The following RRM2B variants were observed in gnomAD, a reference collection of about 807,000 sequenced individuals.
The protein encoded by RRM2B is ribonucleoside-diphosphate reductase subunit M2 B.
A neutral mutation model predicts 45.9 loss-of-function variants in RRM2B; 20 were observed. That is an observed-to-expected ratio of 0.44 (90% confidence interval 0.31 to 0.63). The LOEUF is 0.63. RRM2B is among the 30% of genes least tolerant of loss of function. RRM2B has a pLI of 0.09. For synonymous variants in RRM2B, 124 were observed against 132.3 expected, an observed-to-expected ratio of 0.94 and a Z score of 0.43; for missense variants, 320 against 414.7, an observed-to-expected ratio of 0.77 and a Z score of 1.98.
chr8:102,208,072 G>C lies in RRM2B; in HGVS notation c.*61C>G. ...ATATACTTAAAATTTTTTTTAAGCAGAGGAAAATAGACTACTATTTACCAA... is the reference window on the plus strand; with the variant it reads ...ATATACTTAAAATTTTTTTTAAGCACAGGAAAATAGACTACTATTTACCAA... On this transcript the variant is annotated 3_prime_UTR_variant, in exon 9 of 9. Transcript: ENST00000251810. 6.9e-7 allele frequency: 1 copy of C among 1,451,484 alleles called. No individual in the cohort carries two copies. Among genetic ancestry groups the C allele is most frequent in the Non-Finnish European group, 9.6e-7 (1 of 1,044,520 alleles). 89.9% of individuals were successfully genotyped at this position (1,451,484 alleles called of 1,614,324 possible). A position where few individuals can be genotyped will look rare whatever the true frequency, so the allele number is the denominator to read the frequency against.
chr8:102,209,158 A>G (rs1189141245), intron 8 of RRM2B, among the ~76,000 whole-genome samples: 2 of 152,216 alleles, frequency 1.3e-5, no homozygotes, highest in East Asian at 3.8e-4. Context: ...TCAAAAAAAA[A>G]AGAATTCAAG....
At chr8:102,227,140 AG>A (rs1374412013) in intron 2 of RRM2B, among the ~76,000 whole-genome samples, 11 of 151,604 alleles carry the variant, frequency 7.3e-5, no homozygotes, top group African/African-American at 2.7e-4. Context: ...GAGCCATCAC[AG>A]GTGGCCAACA....
chr8:102,229,124 A>G (rs1187521770), intron 2 of RRM2B, among the ~76,000 whole-genome samples: 3 of 152,132 alleles, frequency 2.0e-5, no homozygotes, highest in Non-Finnish European at 4.4e-5. Flanking sequence ...ATGGTGGCGC[A>G]TGCCTGTAGT....
chr8:102,208,726 G>C (rs970804372), intron 8 of RRM2B, among the ~76,000 whole-genome samples: 1 of 152,188 alleles, frequency 6.6e-6, no homozygotes, highest in Non-Finnish European at 1.5e-5. Flanking sequence ...TAAGAGAACA[G>C]ATAATCAACA....
chr8:102,217,397 C>T (rs1563661827), intron 6 of RRM2B, among the ~76,000 whole-genome samples: 1 of 151,822 alleles, frequency 6.6e-6, no homozygotes, highest in Non-Finnish European at 1.5e-5. Context: ...TATGACATTT[C>T]TAATAAAAGT....
chr8:102,230,688 G>C (rs555403204), intron 2 of RRM2B, among the ~76,000 whole-genome samples: 1 of 152,214 alleles, frequency 6.6e-6, no homozygotes, highest in African/African-American at 2.4e-5. Flanking sequence ...AACAAAGATG[G>C]GTAAGTGGGT....
chr8:102,210,269 A>G (rs1810613028), intron 8 of RRM2B, among the ~76,000 whole-genome samples: 1 of 152,164 alleles, frequency 6.6e-6, no homozygotes, highest in Non-Finnish European at 1.5e-5. Context: ...TCCATCAGAA[A>G]TTGTGTGTAA....
chr8:102,215,453 T>TTAA (rs28928603), intron 6 of RRM2B, among the ~76,000 whole-genome samples: 7,352 of 150,740 alleles, frequency 0.049, 558 homozygotes, highest in African/African-American at 0.17. Flanking sequence ...GGCTGAAAGA[T>TTAA]GTTAAAGTGT....
chr8:102,226,476 G>A (rs1810934526), intron 2 of RRM2B, among the ~76,000 whole-genome samples: 1 of 151,896 alleles, frequency 6.6e-6, no homozygotes. Context: ...ACATAATCTA[G>A]TGGCACTGAA....
In RRM2B at chr8:102,238,637, C is replaced by T. The variant is rs1405040342; in HGVS notation, c.48+190G>A. The T allele has an allele frequency of 4.6e-6, 7 of 1,533,560 alleles. No homozygotes were observed. The Admixed American group carries it at 9.8e-5, about 22-fold the overall frequency. The allele number at this position is 1,533,560 out of a possible 1,614,324, so 95.0% of individuals were successfully genotyped here. A position where few individuals can be genotyped will look rare whatever the true frequency, so the allele number is the denominator to read the frequency against. ...GAGCGGGACGCAAACCCAAAGTCAG[C>T]TCCTTCCTCCGCCCTCCCCGGGGAC... On this transcript the variant is annotated intron_variant, in intron 1 of 8. Transcript: ENST00000251810.
intron 5 of RRM2B, 60 bp from the exon 6 acceptor site, chr8:102,219,007 A>ATGTG: frequency 1.4e-6 from 2 of 1,462,926 alleles, no homozygotes; most frequent in Non-Finnish European, 1.9e-6. Context: ...GCATATATAT[A>ATGTG]TATACACATA....
intron 8 of RRM2B, among the ~76,000 whole-genome samples, chr8:102,209,372 C>T (rs1207804285): frequency 6.6e-6 from 1 of 152,040 alleles, no homozygotes; most frequent in African/African-American, 2.4e-5. Context: ...AGAAGATATA[C>T]AAAATGAAAA....
chr8:102,236,259 A>G (rs1811118995), intron 1 of RRM2B, among the ~76,000 whole-genome samples: 2 of 152,108 alleles, frequency 1.3e-5, no homozygotes, highest in South Asian at 4.1e-4. Context: ...TTTGCCCCCA[A>G]CCCCAGGTGC....
intron 1 of RRM2B, among the ~76,000 whole-genome samples, chr8:102,233,219 A>C (rs1811063497): frequency 6.6e-6 from 1 of 152,160 alleles, no homozygotes; most frequent in South Asian, 2.1e-4. Context: ...GCGTCCACCC[A>C]TTGTCACCTC....
chr8:102,218,095 G>C (rs965583028), intron 6 of RRM2B, among the ~76,000 whole-genome samples: 2 of 152,184 alleles, frequency 1.3e-5, no homozygotes, highest in Non-Finnish European at 2.9e-5. Flanking sequence ...GGAACTTAAA[G>C]GAGAAAATGT....
intron 1 of RRM2B, among the ~76,000 whole-genome samples, chr8:102,233,283 A>C (rs769559132): frequency 7.2e-4 from 110 of 152,240 alleles, no homozygotes; most frequent in Non-Finnish European, 1.4e-3. Context: ...AAGAAAGCCC[A>C]AAATACAAGC....
In RRM2B at chr8:102,207,091, AT is replaced by A. The variant is rs2132538526; in HGVS notation, c.*1041del. On this transcript the variant is annotated 3_prime_UTR_variant, in exon 9 of 9. Transcript: ENST00000251810. ...TTCTGAGGAACACTAGCTGGGTGAG[AT>A]GTTAACAGGTAAAAAACATCTGTGT... 1 of 152,296 alleles carries A rather than the reference AT, an allele frequency of 6.6e-6. No homozygotes were observed. Among genetic ancestry groups the A allele is most frequent in the East Asian group, 1.9e-4 (1 of 5,180 alleles). 9.4% of individuals were successfully genotyped at this position (152,296 alleles called of 1,614,324 possible).
At chr8:102,217,791 G>C (rs1485892459) in intron 6 of RRM2B, among the ~76,000 whole-genome samples, 2 of 150,604 alleles carry the variant, frequency 1.3e-5, no homozygotes, top group African/African-American at 4.9e-5. Flanking sequence ...GGAAAGTTTT[G>C]AGATGTCTCT....
At position 102,208,294 on chromosome 8, in the gene RRM2B, G is replaced by T; in HGVS notation, c.904-9C>A. ...TTTTCTGCCTGAAAAACCTAAAAAG[G>T]AAAGAAATATTATTAGACATTCTGA... On this transcript the variant is annotated splice_polypyrimidine_tract_variant and intron_variant, in intron 8 of 8. Transcript: ENST00000251810. The T allele has an allele frequency of 2.6e-6, 4 of 1,519,850 alleles. No individual in the cohort carries two copies. The highest frequency in any genetic ancestry group is 3.7e-6 in the Non-Finnish European group (4 of 1,095,672). The allele number at this position is 1,519,850 out of a possible 1,614,324, so 94.1% of individuals were successfully genotyped here.
Sources: gnomAD v4.1 joint callset for allele counts (sites outside exome capture counted in the v4.1 genomes callset) on GRCh38, gnomAD v4.1.1 for gene constraint, MANE v1.5 for transcripts, NCBI Gene and HGNC (gene_info 2026-07-23, HGNC 2026-07-21) for gene names.